The following KIAA1217 variants were observed in gnomAD, a reference collection of about 807,000 sequenced individuals.
KIAA1217 encodes KIAA1217.
Under a neutral mutation model 163.9 loss-of-function variants are expected in KIAA1217, and 88 were observed. That is an observed-to-expected ratio of 0.54 (90% confidence interval 0.45 to 0.64). The LOEUF (loss-of-function observed/expected upper bound fraction) is 0.64. KIAA1217 is among the 30% of genes least tolerant of loss of function. KIAA1217 has a pLI of 0.00. For synonymous variants in KIAA1217, 903 were observed against 923.1 expected (o/e 0.98, Z 0.39); for missense variants, 2,372 against 2,475.0 (o/e 0.96, Z 0.88).
intron 2 of KIAA1217, among the ~76,000 whole-genome samples, chr10:24,118,740 T>C (rs934966130): frequency 6.6e-6 from 1 of 152,000 alleles, no homozygotes; most frequent in Non-Finnish European, 1.5e-5. Context: ...TGTTTTTTAC[T>C]ATTTCTAGTA....
At chr10:24,523,221 C>A (rs1249686992) in intron 12 of KIAA1217, among the ~76,000 whole-genome samples, 2 of 151,662 alleles carry the variant, frequency 1.3e-5, no homozygotes, top group Non-Finnish European at 2.9e-5. Flanking sequence ...ACTTAGGAGG[C>A]TGAGGCAGGA....
At chr10:24,252,999 A>T (rs866478441) in intron 2 of KIAA1217, among the ~76,000 whole-genome samples, 36 of 11,976 alleles carry the variant, frequency 3.0e-3, no homozygotes, top group Admixed American at 7.8e-3. Context: ...CAAATAATTA[A>T]AAAAAAAAAA....
upstream of KIAA1217, among the ~76,000 whole-genome samples, chr10:24,206,127 G>T (rs2067542314): frequency 6.6e-6 from 1 of 152,140 alleles, no homozygotes; most frequent in Non-Finnish European, 1.5e-5. Context: ...ACCTTTCCCT[G>T]TTAACAGAAA....
intron 2 of KIAA1217, among the ~76,000 whole-genome samples, chr10:24,022,084 G>GA (rs753055163): frequency 7.3e-5 from 11 of 151,190 alleles, no homozygotes; most frequent in Non-Finnish European, 1.3e-4. Context: ...GACTCTGAAA[G>GA]AAAAAAACTG....
At chr10:24,313,644 T>G (rs2042986750) in intron 2 of KIAA1217, among the ~76,000 whole-genome samples, 1 of 152,176 alleles carries the variant, frequency 6.6e-6, no homozygotes, top group South Asian at 2.1e-4. Context: ...TTGTGCTTTT[T>G]GGGGATACCA....
intron 2 of KIAA1217, chr10:24,158,576 GA>G: frequency 2.0e-6 from 1 of 506,120 alleles, no homozygotes; most frequent in Admixed American, 2.1e-5. Flanking sequence ...ACTGTAATGG[GA>G]AGCACTGACA....
At chr10:24,161,824 T>C (rs538345482) in intron 2 of KIAA1217, among the ~76,000 whole-genome samples, 5 of 152,254 alleles carry the variant, frequency 3.3e-5, no homozygotes, top group South Asian at 2.1e-4. Context: ...AGGACACCCA[T>C]AGAGACAAGA....
chr10:23,862,471 G>A (rs1332144496), intron 1 of KIAA1217, among the ~76,000 whole-genome samples: 1 of 152,156 alleles, frequency 6.6e-6, no homozygotes. Flanking sequence ...CCAAACACAT[G>A]TTGTTCTTGA....
At chr10:23,742,283 C>G (rs998554555) in intron 1 of KIAA1217, among the ~76,000 whole-genome samples, 5 of 152,090 alleles carry the variant, frequency 3.3e-5, no homozygotes, top group African/African-American at 1.2e-4. Flanking sequence ...GAGGGGCCTG[C>G]CACTGAGCAG....
intron 5 of KIAA1217, among the ~76,000 whole-genome samples, chr10:24,471,949 T>C (rs2063566853): frequency 6.7e-6 from 1 of 149,394 alleles, no homozygotes; most frequent in Non-Finnish European, 1.5e-5. Flanking sequence ...ACTTAACTAC[T>C]CACAGCCTAC....
At position 24,055,289 on chromosome 10, in the gene KIAA1217, T is replaced by A. The variant is rs139182990; in HGVS notation, c.-171+47915T>A. Among the ~76,000 whole-genome samples, 414 of 152,170 alleles carry A rather than the reference T, an allele frequency of 2.7e-3. 3 individuals carry two copies. The highest frequency in any genetic ancestry group is 9.3e-3 in the African/African-American group (387 of 41,518). ...CTCAAAAAATAAAAAGAAAAAGAATTTTCTTGGAAATTTATATTTAAAATG... is the reference window on the plus strand; with the variant it reads ...CTCAAAAAATAAAAAGAAAAAGAATATTCTTGGAAATTTATATTTAAAATG... On this transcript the variant is annotated intron_variant, in intron 2 of 18. Transcript: ENST00000376462.
At chr10:23,953,905 G>A (rs1295440362) in intron 1 of KIAA1217, among the ~76,000 whole-genome samples, 1 of 152,132 alleles carries the variant, frequency 6.6e-6, no homozygotes, top group African/African-American at 2.4e-5. Context: ...TTTCCAGAAG[G>A]CTTTACCTTT....
chr10:24,005,076 G>T (rs1348065695), intron 1 of KIAA1217, among the ~76,000 whole-genome samples: 4 of 152,226 alleles, frequency 2.6e-5, no homozygotes, highest in African/African-American at 7.2e-5. Context: ...AGTAGCCATG[G>T]AGAGAATGGG....
chr10:24,243,659 TAC>T (rs5783883), intron 2 of KIAA1217, among the ~76,000 whole-genome samples: 1 of 151,088 alleles, frequency 6.6e-6, no homozygotes, highest in Non-Finnish European at 1.5e-5. Context: ...TATATATATA[TAC>T]ACATCTATGA....
chr10:24,529,628 C>T (rs2072798296), intron 14 of KIAA1217, among the ~76,000 whole-genome samples: 1 of 152,028 alleles, frequency 6.6e-6, no homozygotes, highest in Non-Finnish European at 1.5e-5. Context: ...CTCACTGCAT[C>T]CCTCCCCCTC....
intron 1 of KIAA1217, among the ~76,000 whole-genome samples, chr10:23,715,328 T>C (rs904895303): frequency 9.9e-5 from 15 of 152,196 alleles, no homozygotes; most frequent in African/African-American, 3.1e-4. Flanking sequence ...CCCTTTGGTG[T>C]TTAGCCCAAC....
chr10:24,031,327 G>A (rs985164067), intron 2 of KIAA1217, among the ~76,000 whole-genome samples: 3 of 152,048 alleles, frequency 2.0e-5, no homozygotes, highest in African/African-American at 7.3e-5. Context: ...TTAGAGTCGG[G>A]TCTTGCTCTG....
intron 1 of KIAA1217, among the ~76,000 whole-genome samples, chr10:23,992,839 A>G (rs1846277896): frequency 6.6e-6 from 1 of 151,660 alleles, no homozygotes; most frequent in Admixed American, 6.6e-5. Context: ...GGAGGGACAC[A>G]AATGGAGTGT....
At chr10:24,157,446 C>T (rs1175656231) in intron 2 of KIAA1217, among the ~76,000 whole-genome samples, 1 of 152,174 alleles carries the variant, frequency 6.6e-6, no homozygotes, top group Non-Finnish European at 1.5e-5. Context: ...TCTGGCTTGT[C>T]TTCTTGTTCT....
Sources: allele counts gnomAD v4.1 joint callset (sites outside exome capture counted in the v4.1 genomes callset), GRCh38; gene constraint gnomAD v4.1.1; transcripts MANE v1.5; gene names NCBI Gene and HGNC (gene_info 2026-07-23, HGNC 2026-07-21).